Variants in DNAJC3 observed in about 807,000 individuals in gnomAD.
DNAJC3 encodes the protein dnaJ homolog subfamily C member 3.
In DNAJC3, 38 loss-of-function variants were observed where a neutral mutation model predicts 68.6. The observed-to-expected ratio is 0.55, with a 90% CI of 0.43 to 0.73. The LOEUF is 0.73. Among genes scored for constraint, DNAJC3 ranks in the 30% least tolerant of loss-of-function variants. DNAJC3 has a pLI of 0.00. For synonymous variants in DNAJC3, 203 were observed against 204.0 expected, an observed-to-expected ratio of 1.00 and a Z score of 0.04; for missense variants, 526 against 591.9, an observed-to-expected ratio of 0.89 and a Z score of 1.16.
Position 95,762,416 on chromosome 13 carries a change from A to C in DNAJC3, c.849-1227A>C, listed in dbSNP as rs75299141. On this transcript the variant is annotated intron_variant, in intron 7 of 11. Coordinates refer to ENST00000602402, the MANE Select transcript of DNAJC3 (RefSeq NM_006260.5). ...GCTCCAAGTCTGGGATATATGAAAC[A>C]AAAAAAAAGAACCCAGGGAACGTCT... Among the ~76,000 whole-genome samples, 37 of 148,862 alleles carry C rather than the reference A, an allele frequency of 2.5e-4. 1 individual carries two copies. The highest frequency in any genetic ancestry group is 2.5e-3 in the Admixed American group (37 of 15,044).
intron 7 of DNAJC3, among the ~76,000 whole-genome samples, chr13:95,761,518 G>T (rs1882818636): frequency 2.6e-5 from 4 of 152,126 alleles, no homozygotes; most frequent in African/African-American, 9.7e-5. Context: ...CCAACATCTT[G>T]CAGACTATAA....
At chr13:95,759,214 C>T (rs978826930) in intron 5 of DNAJC3, among the ~76,000 whole-genome samples, 4 of 152,164 alleles carry the variant, frequency 2.6e-5, no homozygotes, top group Non-Finnish European at 2.9e-5. Flanking sequence ...GAAGCCTCAA[C>T]CTCCTGCCCT....
chr13:95,690,976 C>T (rs1880231312), intron 1 of DNAJC3, among the ~76,000 whole-genome samples: 1 of 141,480 alleles, frequency 7.1e-6, no homozygotes, highest in Non-Finnish European at 1.5e-5. Flanking sequence ...GGCTGACACC[C>T]CCACCTCCCT....
intron 4 of DNAJC3, among the ~76,000 whole-genome samples, chr13:95,734,028 C>T (rs192898987): frequency 9.4e-4 from 143 of 152,134 alleles, no homozygotes; most frequent in African/African-American, 3.2e-3. Flanking sequence ...TTTGTATATC[C>T]TTTGTTCCTT....
intron 11 of DNAJC3, among the ~76,000 whole-genome samples, chr13:95,787,500 T>C (rs1240673305): frequency 1.3e-5 from 2 of 152,128 alleles, no homozygotes; most frequent in Admixed American, 1.3e-4. Flanking sequence ...AATGATGAAT[T>C]TTCTCCACCA....
intron 1 of DNAJC3, among the ~76,000 whole-genome samples, chr13:95,687,789 A>G (rs957932311): frequency 6.6e-5 from 10 of 152,168 alleles, no homozygotes; most frequent in African/African-American, 2.4e-4. Context: ...ATTTTAGAAT[A>G]TATATATTTT....
rs779685072 is a variant in DNAJC3, at chr13:95,763,626, A to T, written c.849-17A>T. On this transcript the variant is annotated splice_polypyrimidine_tract_variant and intron_variant, in intron 7 of 11. Coordinates refer to ENST00000602402, the MANE Select transcript of DNAJC3 (RefSeq NM_006260.5). ...TCAAATGTCATCATTTCTTATCATG[A>T]TTTGCTCATTTCTTAGATACACAGA... The T allele has an allele frequency of 2.5e-6, 4 of 1,609,464 alleles. No individual in the cohort carries two copies. Among genetic ancestry groups the T allele is most frequent in the Non-Finnish European group, 2.5e-6 (3 of 1,176,914 alleles).
intron 2 of DNAJC3, among the ~76,000 whole-genome samples, chr13:95,713,676 G>T (rs1167932422): frequency 6.6e-6 from 1 of 152,176 alleles, no homozygotes; most frequent in Non-Finnish European, 1.5e-5. Flanking sequence ...TTCATGAGTT[G>T]CCTTGTGGAC....
rs1470014833 is a variant in DNAJC3, at chr13:95,677,230, T to C, written c.-26T>C. On this transcript the variant is annotated 5_prime_UTR_variant, in exon 1 of 12. Coordinates refer to ENST00000602402, the MANE Select transcript of DNAJC3 (RefSeq NM_006260.5). ...GTGCTGGTGGGCCACACACCTTTCC[T>C]CCTCTTCACTCGCGAGCCCTCGGAC... 3.1e-6 allele frequency: 5 copies of C among 1,597,094 alleles called. No individual in the cohort carries two copies. Among genetic ancestry groups the C allele is most frequent in the Non-Finnish European group, 4.3e-6 (5 of 1,173,434 alleles).
intron 2 of DNAJC3, among the ~76,000 whole-genome samples, chr13:95,711,510 A>G (rs1566478112): frequency 6.6e-6 from 1 of 152,064 alleles, no homozygotes; most frequent in Non-Finnish European, 1.5e-5. Flanking sequence ...AATTAAAAAA[A>G]CAGAAAACAA....
intron 2 of DNAJC3, among the ~76,000 whole-genome samples, chr13:95,716,204 A>G (rs902124712): frequency 2.0e-5 from 3 of 152,216 alleles, no homozygotes; most frequent in African/African-American, 2.4e-5. Context: ...TAAATTTTCT[A>G]TCATAGTGAA....
intron 4 of DNAJC3, among the ~76,000 whole-genome samples, chr13:95,730,850 A>G (rs750827113): frequency 5.9e-5 from 9 of 152,184 alleles, no homozygotes; most frequent in African/African-American, 1.7e-4. Flanking sequence ...GAAAAATGAC[A>G]TTGGTATTTT....
intron 4 of DNAJC3, among the ~76,000 whole-genome samples, chr13:95,752,423 G>A (rs1367411560): frequency 6.6e-6 from 1 of 152,110 alleles, no homozygotes; most frequent in Non-Finnish European, 1.5e-5. Context: ...CTTAATTGAA[G>A]ATAACAATTC....
chr13:95,713,036 A>G (rs1031624773), intron 2 of DNAJC3, among the ~76,000 whole-genome samples: 4 of 152,072 alleles, frequency 2.6e-5, no homozygotes, highest in African/African-American at 9.7e-5. Flanking sequence ...TCCTGCCATC[A>G]TGTGAAGAGG....
At chr13:95,751,242 C>T (rs1048234921) in intron 4 of DNAJC3, among the ~76,000 whole-genome samples, 4 of 151,950 alleles carry the variant, frequency 2.6e-5, no homozygotes, top group South Asian at 2.1e-4. Flanking sequence ...TCTAATTTAA[C>T]AAAAAAGACA....
At chr13:95,691,390 G>T (rs1880255252) in intron 1 of DNAJC3, among the ~76,000 whole-genome samples, 1 of 151,494 alleles carries the variant, frequency 6.6e-6, no homozygotes, top group South Asian at 2.1e-4. Flanking sequence ...GGGCGGCCGG[G>T]CAGAGACGCT....
chr13:95,772,008 A>G (rs886166484), intron 9 of DNAJC3, among the ~76,000 whole-genome samples: 2 of 152,214 alleles, frequency 1.3e-5, no homozygotes, highest in African/African-American at 4.8e-5. Flanking sequence ...CTTTTCCTAT[A>G]AAGAGCCAAA....
At chr13:95,689,520 AT>A (rs1880170325) in intron 1 of DNAJC3, among the ~76,000 whole-genome samples, 1 of 150,416 alleles carries the variant, frequency 6.6e-6, no homozygotes, top group African/African-American at 2.4e-5. Context: ...TGGTCTGTCA[AT>A]TTTGTTTATC....
intron 1 of DNAJC3, among the ~76,000 whole-genome samples, chr13:95,690,496 T>C (rs1880200992): frequency 6.6e-6 from 1 of 151,444 alleles, no homozygotes; most frequent in Non-Finnish European, 1.5e-5. Flanking sequence ...CAATGAGCTG[T>C]TGGGTACACC....
Sources: gnomAD v4.1 joint callset for allele counts (sites outside exome capture counted in the v4.1 genomes callset) on GRCh38, gnomAD v4.1.1 for gene constraint, MANE v1.5 for transcripts, NCBI Gene and HGNC (gene_info 2026-07-23, HGNC 2026-07-21) for gene names.